ACAD11: variants seen among roughly 807,000 people sequenced by gnomAD.
ACAD11 encodes acyl-CoA dehydrogenase family member 11, also known as acyl-Coenzyme A dehydrogenase family, member 11.
A neutral mutation model predicts 102.2 loss-of-function variants in ACAD11; 83 were observed. The observed-to-expected ratio is 0.81, with a 90% CI of 0.68 to 0.97. The LOEUF (loss-of-function observed/expected upper bound fraction) is 0.97. Ranked by LOEUF, ACAD11 falls within the 50% of genes least tolerant of loss-of-function variation. The pLI is 0.00. For synonymous variants in ACAD11, 324 were observed against 319.8 expected, an observed-to-expected ratio of 1.01 and a Z score of -0.14; for missense variants, 901 against 951.7, an observed-to-expected ratio of 0.95 and a Z score of 0.70.
rs181783284 is a variant in ACAD11 at position 132,566,761 on chromosome 3, G to A, written c.2002-5544C>T. On this transcript the variant is annotated intron_variant, in intron 17 of 19. Transcript: ENST00000264990. ...AATTTGTCACTTTTAGACCCTAAAGGAAATGTTAAAGGAAGTTCTCTAAAT... is the reference window on the plus strand; with the variant it reads ...AATTTGTCACTTTTAGACCCTAAAGAAAATGTTAAAGGAAGTTCTCTAAAT... Among the ~76,000 whole-genome samples the A allele has an allele frequency of 2.6e-5, 4 of 152,216 alleles. No individual in the cohort carries two copies. The East Asian group carries it at 7.7e-4, about 29-fold the overall frequency.
intron 5 of ACAD11, among the ~76,000 whole-genome samples, chr3:132,636,517 A>AT (rs995233374): frequency 2.0e-5 from 3 of 152,214 alleles, no homozygotes; most frequent in Admixed American, 6.5e-5. Context: ...AAATAATAGA[A>AT]TTTGTAATGA....
At chr3:132,562,106 TTTTA>T (rs1253932347) in intron 17 of ACAD11, among the ~76,000 whole-genome samples, 2 of 152,176 alleles carry the variant, frequency 1.3e-5, no homozygotes, top group African/African-American at 2.4e-5. Context: ...AGTTTTTAAA[TTTTA>T]TTTATTTATT....
intron 8 of ACAD11, 197 bp from the exon 9 acceptor site, chr3:132,627,014 T>C: frequency 4.0e-6 from 2 of 497,362 alleles, no homozygotes; most frequent in South Asian, 2.8e-5. Context: ...ACATTTAACT[T>C]TAATGCTTAA....
intron 1 of ACAD11, among the ~76,000 whole-genome samples, chr3:132,649,317 C>T (rs1372496318): frequency 2.6e-5 from 4 of 152,184 alleles, no homozygotes; most frequent in Non-Finnish European, 5.9e-5. Flanking sequence ...CTGAATGTCT[C>T]GGTATAAAAC....
chr3:132,580,645 G>A (rs1937584604), intron 13 of ACAD11, among the ~76,000 whole-genome samples: 1 of 151,964 alleles, frequency 6.6e-6, no homozygotes, highest in Admixed American at 6.6e-5. Flanking sequence ...TTTTAGGTGT[G>A]CTAATGGTAT....
In ACAD11 at chr3:132,561,235, G is replaced by T; in HGVS notation, c.2002-18C>A. The stretch of plus-strand genomic sequence containing the variant: ...ACAACCTCCTATAGGGGAGGAAAAG[G>T]CAGCAAAAGAAGGAGGAGCTAAGCT... On this transcript the variant is annotated intron_variant, in intron 17 of 19. Coordinates refer to ENST00000264990, the MANE Select transcript of ACAD11 (RefSeq NM_032169.5). 6.3e-7 allele frequency: 1 copy of T among 1,598,464 alleles called. No individual in the cohort carries two copies.
At chr3:132,629,747 A>G (rs535187747) in intron 7 of ACAD11, among the ~76,000 whole-genome samples, 8 of 152,188 alleles carry the variant, frequency 5.3e-5, no homozygotes, top group Admixed American at 4.6e-4. Context: ...TCACTTCTAA[A>G]CTTATTTACC....
At chr3:132,649,318 G>T (rs1019294894) in intron 1 of ACAD11, among the ~76,000 whole-genome samples, 4 of 152,312 alleles carry the variant, frequency 2.6e-5, no homozygotes, top group Admixed American at 2.0e-4. Flanking sequence ...TGAATGTCTC[G>T]GTATAAAACC....
At chr3:132,649,218 G>A (rs1016359587) in intron 1 of ACAD11, among the ~76,000 whole-genome samples, 1 of 152,226 alleles carries the variant, frequency 6.6e-6, no homozygotes, top group East Asian at 1.9e-4. Context: ...CACCCGTAGG[G>A]GGTCTGTGCT....
chr3:132,659,558 A>T, intron 1 of ACAD11, 45 bp downstream of exon 1: 1 of 1,607,040 alleles, frequency 6.2e-7, no homozygotes, highest in East Asian at 2.3e-5. Flanking sequence ...GGAAAACTCA[A>T]TGTACAAATT....
intron 1 of ACAD11, among the ~76,000 whole-genome samples, chr3:132,656,816 A>G (rs562049132): frequency 2.0e-5 from 3 of 151,614 alleles, no homozygotes; most frequent in South Asian, 2.1e-4. Context: ...TTAAAAGTCA[A>G]TTTGGTGGTG....
chr3:132,623,750 T>C (rs1023656953), intron 9 of ACAD11, among the ~76,000 whole-genome samples: 1 of 152,192 alleles, frequency 6.6e-6, no homozygotes, highest in Admixed American at 6.5e-5. Flanking sequence ...CAGCAGAGTA[T>C]CACAACCCAA....
intron 7 of ACAD11, 128 bp from the exon 8 acceptor site, chr3:132,628,574 C>G (rs1038863619): frequency 3.4e-6 from 2 of 587,574 alleles, no homozygotes; most frequent in East Asian, 6.1e-5. Flanking sequence ...AACAGACTAT[C>G]GACGATATTA....
In ACAD11 at chr3:132,603,389, G is replaced by A. The variant is rs1028488371; in HGVS notation, c.1523-62C>T. On this transcript the variant is annotated intron_variant, in intron 12 of 19. Coordinates refer to ENST00000264990, the MANE Select transcript of ACAD11 (RefSeq NM_032169.5). The stretch of plus-strand genomic sequence containing the variant: ...GATATCATCAGTAGACTTAGATAAG[G>A]ATATGAAAACTTTAAAAACAAAGAC... The A allele has an allele frequency of 4.2e-6, 6 of 1,441,294 alleles. No homozygotes were observed. In the African/African-American group the frequency reaches 7.0e-5, roughly 17 times the overall value. The allele number at this position is 1,441,294 out of a possible 1,614,324, so 89.3% of individuals were successfully genotyped here.
Position 132,578,920 on chromosome 3 carries a change from A to G in ACAD11, c.1689-39T>C, listed in dbSNP as rs1937559968. 1.9e-6 allele frequency: 3 copies of G among 1,609,578 alleles called. 1 individual carries two copies. In the South Asian group the frequency reaches 3.3e-5, roughly 18 times the overall value. On this transcript the variant is annotated intron_variant, in intron 14 of 19. Coordinates refer to ENST00000264990, the MANE Select transcript of ACAD11 (RefSeq NM_032169.5). ...AAATTGTATTAGAAAAAGTTTGCTA[A>G]GAAGAAAAATAAAACAGATAATAAG...
intron 9 of ACAD11, among the ~76,000 whole-genome samples, chr3:132,622,775 C>G (rs890819895): frequency 6.6e-6 from 1 of 152,170 alleles, no homozygotes; most frequent in Non-Finnish European, 1.5e-5. Flanking sequence ...CTGTAGCATA[C>G]TGCGTCCTCA....
rs551753446 is a variant in ACAD11 at position 132,645,982 on chromosome 3, C to CT, written c.150-1087dup. 1,319 of 139,170 alleles carry CT rather than the reference C, an allele frequency of 9.5e-3. 13 individuals carry two copies. The highest frequency in any genetic ancestry group is 0.025 in the South Asian group (111 of 4,406). 8.6% of individuals were successfully genotyped at this position (139,170 alleles called of 1,614,324 possible). A position where few individuals can be genotyped will look rare whatever the true frequency, so the allele number is the denominator to read the frequency against. ...CTGCAAACCATCAATTGCAACGAAT[C>CT]TTTTTTTTTTTTTTTTTGAGACGGA... is the stretch of plus-strand genomic sequence containing the variant. On this transcript the variant is annotated intron_variant, in intron 1 of 19. Transcript: ENST00000264990.
At chr3:132,591,188 G>A (rs1355061529) in intron 13 of ACAD11, among the ~76,000 whole-genome samples, 2 of 152,140 alleles carry the variant, frequency 1.3e-5, no homozygotes, top group African/African-American at 4.8e-5. Context: ...TGTATATGGT[G>A]TAAGGTACGG....
At chr3:132,592,402 T>G (rs969791317) in intron 13 of ACAD11, among the ~76,000 whole-genome samples, 1 of 152,160 alleles carries the variant, frequency 6.6e-6, no homozygotes, top group African/African-American at 2.4e-5. Context: ...ACAGATGGCT[T>G]AGATAAAGTA....
Sources: allele counts gnomAD v4.1 joint callset (sites outside exome capture counted in the v4.1 genomes callset), GRCh38; gene constraint gnomAD v4.1.1; transcripts MANE v1.5; gene names NCBI Gene and HGNC (gene_info 2026-07-23, HGNC 2026-07-21).